BCAS3: variants seen among roughly 807,000 people sequenced by gnomAD.
The protein encoded by BCAS3 is BCAS4/BCAS3 fusion.
A neutral mutation model predicts 116.1 loss-of-function variants in BCAS3; 53 were observed. The observed-to-expected ratio is 0.46, with a 90% confidence interval of 0.37 to 0.57. The LOEUF is 0.57. Among genes scored for constraint, BCAS3 ranks in the 20% least tolerant of loss-of-function variants. BCAS3 has a pLI of 0.00. For missense variants in BCAS3, 917 were observed against 1,165.4 expected (o/e 0.79, Z 3.10); for synonymous variants, 391 against 408.2 (o/e 0.96, Z 0.51).
rs1055162152 is a variant in BCAS3 at position 61,208,919 on chromosome 17, C to T, written c.2425+124355C>T. ...GAGGGCCTGTATCTCTTGTGTAGCT[C>T]AGATCCTTTGGGTATTTAATGTACA... On this transcript the variant is annotated intron_variant, in intron 22 of 23. Transcript: ENST00000407086. This position sits in a 1 kb window ranked among gnomAD's most constrained non-coding sequence, Gnocchi z 4.5. Among the ~76,000 whole-genome samples the T allele has an allele frequency of 1.1e-4, 17 of 151,140 alleles. No individual in the cohort carries two copies. The highest frequency in any genetic ancestry group is 4.1e-4 in the African/African-American group (17 of 41,164).
chr17:60,928,913 C>T (rs1045574025), intron 13 of BCAS3, among the ~76,000 whole-genome samples: 9 of 152,182 alleles, frequency 5.9e-5, no homozygotes, highest in Admixed American at 3.3e-4. Context: ...TATACACACA[C>T]ATACATAGAG....
rs779069743 is a variant in BCAS3, at chr17:61,248,526, G to A, written c.2426-119801G>A. On this transcript the variant is annotated intron_variant, in intron 22 of 23. Coordinates refer to ENST00000407086, the MANE Select transcript of BCAS3 (RefSeq NM_017679.5). This position sits in a 1 kb window ranked among gnomAD's most constrained non-coding sequence, Gnocchi z 4.3. Reference sequence around the variant, plus strand: ...GAGAGCCTTGGGCCTTGGGAGGAGGGGTAATATACAAGATTAGAGTGCAAA... The same window carrying A: ...GAGAGCCTTGGGCCTTGGGAGGAGGAGTAATATACAAGATTAGAGTGCAAA... 7.9e-5 allele frequency among the ~76,000 whole-genome samples: 12 copies of A among 152,148 alleles called. No homozygotes were observed. Among genetic ancestry groups the A allele is most frequent in the Non-Finnish European group, 1.3e-4 (9 of 68,032 alleles).
intron 22 of BCAS3, among the ~76,000 whole-genome samples, chr17:61,164,952 A>G (rs2144083031): frequency 6.6e-6 from 1 of 152,336 alleles, no homozygotes; most frequent in Non-Finnish European, 1.5e-5. Flanking sequence ...CTGGTCCGTT[A>G]TGGAAAGGTG....
In BCAS3 at chr17:60,995,577, C is replaced by T. The variant is rs1199548336; in HGVS notation, c.1486+5342C>T. 2.6e-5 allele frequency among the ~76,000 whole-genome samples: 4 copies of T among 152,270 alleles called. No homozygotes were observed. Among genetic ancestry groups the T allele is most frequent in the South Asian group, 2.1e-4 (1 of 4,830 alleles). ...CCTCCCAAGGTGCTGGGATTACAAG[C>T]GTGAACCACCGCGCCCGACCAGTTT... is the stretch of plus-strand genomic sequence containing the variant. On this transcript the variant is annotated intron_variant, in intron 15 of 23. Transcript: ENST00000407086. This position sits in a 1 kb window ranked among gnomAD's most constrained non-coding sequence, Gnocchi z 4.7.
At chr17:61,057,573 G>A (rs969022604) in intron 19 of BCAS3, among the ~76,000 whole-genome samples, 2 of 152,048 alleles carry the variant, frequency 1.3e-5, no homozygotes, top group African/African-American at 2.4e-5. Context: ...CTAGAATCTC[G>A]TAACTTGTCC....
At chr17:60,724,029 A>G (rs1332340839) in intron 5 of BCAS3, among the ~76,000 whole-genome samples, 2 of 150,124 alleles carry the variant, frequency 1.3e-5, no homozygotes, top group African/African-American at 4.9e-5. Context: ...CTACTTTTTC[A>G]CTTTCTTAAA....
intron 22 of BCAS3, among the ~76,000 whole-genome samples, chr17:61,305,834 T>G (rs1055833800): frequency 1.3e-5 from 2 of 152,174 alleles, no homozygotes; most frequent in African/African-American, 4.8e-5. Flanking sequence ...AGGTGGAGGA[T>G]GCAGTGAGCT....
intron 22 of BCAS3, among the ~76,000 whole-genome samples, chr17:61,173,166 G>C (rs373325212): frequency 1.2e-4 from 18 of 151,120 alleles, no homozygotes; most frequent in Admixed American, 7.2e-4. Context: ...AAATTGTTTT[G>C]AGGCTGGGCA....
chr17:60,807,041 C>A (rs189215459), intron 6 of BCAS3, among the ~76,000 whole-genome samples: 6 of 151,962 alleles, frequency 3.9e-5, no homozygotes, highest in African/African-American at 1.5e-4. Context: ...GTGACATTTG[C>A]TGTAGATCTT....
chr17:60,934,508 A>G (rs2059819805), intron 13 of BCAS3, among the ~76,000 whole-genome samples: 1 of 152,256 alleles, frequency 6.6e-6, no homozygotes, highest in Non-Finnish European at 1.5e-5. Flanking sequence ...CTGTATAGTC[A>G]GGTACATACA....
intron 22 of BCAS3, among the ~76,000 whole-genome samples, chr17:61,115,808 A>G (rs1180617039): frequency 2.7e-5 from 4 of 150,736 alleles, no homozygotes; most frequent in Non-Finnish European, 5.9e-5. Context: ...TTATTGCGGC[A>G]TTATTCACAA....
chr17:61,284,351 G>A (rs2051535217), intron 22 of BCAS3, among the ~76,000 whole-genome samples: 1 of 152,176 alleles, frequency 6.6e-6, no homozygotes, highest in Non-Finnish European at 1.5e-5. Context: ...TTTATGAGCT[G>A]TAACACTCAC....
chr17:61,071,986 T>G (rs1230440600), intron 19 of BCAS3, among the ~76,000 whole-genome samples: 1 of 152,172 alleles, frequency 6.6e-6, no homozygotes, highest in Non-Finnish European at 1.5e-5. Flanking sequence ...ATTTATTTGA[T>G]AATGAAAAAT....
chr17:60,697,833 TAGG>T, intron 4 of BCAS3, among the ~76,000 whole-genome samples: 1 of 151,988 alleles, frequency 6.6e-6, no homozygotes, highest in South Asian at 2.1e-4. Context: ...GATGTCTCTA[TAGG>T]AAAGACCGTA....
Position 61,366,631 on chromosome 17 carries a change from C to G in BCAS3, c.2426-1696C>G, listed in dbSNP as rs558608561. On this transcript the variant is annotated intron_variant, in intron 22 of 23. Transcript: ENST00000407086. The surrounding 1 kb of genome is among the most constrained non-coding windows in gnomAD (Gnocchi z 4.5). ...AGAGCCTAGCTTACCAGATCTACAG[C>G]CTGACCCTACTTGATGGAGAGGTGG... Among the ~76,000 whole-genome samples, 52 of 152,340 alleles carry G rather than the reference C, an allele frequency of 3.4e-4. 1 individual carries two copies. The highest frequency in any genetic ancestry group is 1.1e-3 in the African/African-American group (47 of 41,586).
In BCAS3 at chr17:61,344,840, G is replaced by A. The variant is rs2057401026; in HGVS notation, c.2426-23487G>A. ...AGGTCATTAAGTAAGGGACAACCAT[G>A]GCGAGGAGTTGCAATGTCACTCCAG... On this transcript the variant is annotated intron_variant, in intron 22 of 23. Transcript: ENST00000407086. This position sits in a 1 kb window ranked among gnomAD's most constrained non-coding sequence, Gnocchi z 4.1. 6.6e-6 allele frequency among the ~76,000 whole-genome samples: 1 copy of A among 152,000 alleles called. No homozygotes were observed. Among genetic ancestry groups the A allele is most frequent in the Admixed American group, 6.6e-5 (1 of 15,262 alleles).
At chr17:60,942,628 C>T (rs1230748416) in intron 13 of BCAS3, among the ~76,000 whole-genome samples, 2 of 151,626 alleles carry the variant, frequency 1.3e-5, no homozygotes, top group Non-Finnish European at 2.9e-5. Context: ...AATGTATTCT[C>T]TTGGAAATAG....
At position 61,203,628 on chromosome 17, in the gene BCAS3, A is replaced by G. The variant is rs959250336; in HGVS notation, c.2425+119064A>G. ...GAGAAAAGTGATCAAAAAACACTTG[A>G]TATTTTTAAATTCGTGGAAACTTTG... On this transcript the variant is annotated intron_variant, in intron 22 of 23. Transcript: ENST00000407086. The surrounding 1 kb of genome is among the most constrained non-coding windows in gnomAD (Gnocchi z 5.7). Among the ~76,000 whole-genome samples the G allele has an allele frequency of 6.6e-6, 1 of 152,186 alleles. No individual in the cohort carries two copies. The highest frequency in any genetic ancestry group is 1.5e-5 in the Non-Finnish European group (1 of 68,030).
At chr17:60,846,021 C>T (rs951870285) in intron 7 of BCAS3, among the ~76,000 whole-genome samples, 37 of 151,874 alleles carry the variant, frequency 2.4e-4, no homozygotes, top group Admixed American at 8.5e-4. Flanking sequence ...CCCAACCTTC[C>T]AGGCTCAAGC....
Sources: allele counts gnomAD v4.1 joint callset (sites outside exome capture counted in the v4.1 genomes callset), GRCh38; gene constraint gnomAD v4.1.1; non-coding constraint Gnocchi (gnomAD v3.1); transcripts MANE v1.5; gene names NCBI Gene and HGNC (gene_info 2026-07-23, HGNC 2026-07-21).